The following RTN3 variants were observed in gnomAD, a reference collection of about 807,000 sequenced individuals.
RTN3 encodes reticulon-3.
RTN3 carries 49 observed loss-of-function variants against 77.8 expected under a neutral mutation model. The observed-to-expected ratio is 0.63, with a 90% CI of 0.50 to 0.80. The LOEUF (loss-of-function observed/expected upper bound fraction) is 0.80. Ranked by LOEUF, RTN3 falls within the 30% of genes least tolerant of loss-of-function variation. RTN3 has a pLI of 0.00. For missense variants in RTN3, 1,236 were observed against 1,211.9 expected, an observed-to-expected ratio of 1.02 and a Z score of -0.29; for synonymous variants, 464 against 446.9, an observed-to-expected ratio of 1.04 and a Z score of -0.48.
intron 1 of RTN3, among the ~76,000 whole-genome samples, chr11:63,695,047 TAAC>T (rs1436969779): frequency 1.3e-5 from 2 of 152,194 alleles, no homozygotes; most frequent in Non-Finnish European, 2.9e-5. Flanking sequence ...AGTTTTGAAA[TAAC>T]AAGCTAAATC....
At chr11:63,742,200 C>T (rs1261721491) in intron 3 of RTN3, among the ~76,000 whole-genome samples, 3 of 149,574 alleles carry the variant, frequency 2.0e-5, no homozygotes, top group Non-Finnish European at 3.0e-5. Flanking sequence ...AGGATGATCT[C>T]GATCTCCTGA....
intron 3 of RTN3, among the ~76,000 whole-genome samples, chr11:63,728,918 A>G (rs1418805414): frequency 6.6e-6 from 1 of 151,470 alleles, no homozygotes; most frequent in East Asian, 1.9e-4. Flanking sequence ...AAGAAAAGAA[A>G]GTAGCTAGAG....
At position 63,718,716 on chromosome 11, in the gene RTN3, C is replaced by T. The variant is rs140534064; in HGVS notation, c.214C>T (p.Leu72Phe). The T allele has an allele frequency of 1.3e-6, 2 of 1,587,618 alleles. No individual in the cohort carries two copies. Among genetic ancestry groups the T allele is most frequent in the African/African-American group, 1.4e-5 (1 of 73,404 alleles). Residue 72 changes from leucine to phenylalanine, a missense_variant, in exon 3 of 9, where the codon CTT becomes TTT. Leu to Phe is a conservative substitution (Grantham distance 22, BLOSUM62 0). This residue lies in a region of RTN3 where 1,056 missense variants were observed against 990.4 expected (regional missense o/e 1.07). Transcript: ENST00000377819. ...FSTSQEGLSS[L>F]CSDEPSSEIM... ...TCTGATCATAGAGGGATTGAGCTCT[C>T]TTTGCTCTGATGAGCCATCTTCAGA...
intron 1 of RTN3, among the ~76,000 whole-genome samples, chr11:63,686,007 GA>G (rs1423964361): frequency 1.3e-5 from 2 of 152,146 alleles, no homozygotes; most frequent in African/African-American, 4.8e-5. Flanking sequence ...GCCTTTGAAG[GA>G]AACTGAAGAT....
At chr11:63,714,629 C>T (rs2011291829) in intron 2 of RTN3, 1 of 152,072 alleles carries the variant, frequency 6.6e-6, no homozygotes, top group African/African-American at 2.4e-5. Flanking sequence ...CCTCCCACTC[C>T]AGCCTCCCAA....
At chr11:63,730,167 A>G (rs561516917) in intron 3 of RTN3, among the ~76,000 whole-genome samples, 2 of 151,986 alleles carry the variant, frequency 1.3e-5, no homozygotes, top group Non-Finnish European at 2.9e-5. Flanking sequence ...AGGTTTCACC[A>G]TGTTTGTCAG....
At chr11:63,692,594 T>TA (rs1345425099) in intron 1 of RTN3, among the ~76,000 whole-genome samples, 1 of 151,850 alleles carries the variant, frequency 6.6e-6, no homozygotes, top group Non-Finnish European at 1.5e-5. Context: ...CTGTCTCTAC[T>TA]AAAAATACAA....
chr11:63,715,331 A>T (rs1164844238), intron 2 of RTN3, among the ~76,000 whole-genome samples: 1 of 152,224 alleles, frequency 6.6e-6, no homozygotes, highest in Non-Finnish European at 1.5e-5. Flanking sequence ...AAGATGACAG[A>T]TCTGAATCAT....
intron 3 of RTN3, among the ~76,000 whole-genome samples, chr11:63,729,353 A>G (rs1332258927): frequency 6.6e-6 from 1 of 151,262 alleles, no homozygotes; most frequent in African/African-American, 2.4e-5. Context: ...AATAACGTGT[A>G]TAGAGGTTAT....
intron 3 of RTN3, among the ~76,000 whole-genome samples, chr11:63,736,065 T>C (rs1285687329): frequency 6.6e-6 from 1 of 152,212 alleles, no homozygotes; most frequent in Non-Finnish European, 1.5e-5. Context: ...CTGATCCTCC[T>C]GCTCAGGGCC....
intron 3 of RTN3, among the ~76,000 whole-genome samples, chr11:63,726,212 G>A (rs1452165083): frequency 1.3e-5 from 2 of 152,186 alleles, no homozygotes; most frequent in South Asian, 2.1e-4. Context: ...ACAAAGACCC[G>A]AAGGCACTGG....
At chr11:63,681,895 C>G in intron 1 of RTN3, 117 bp downstream of exon 1, 1 of 1,135,438 alleles carries the variant, frequency 8.8e-7, no homozygotes, top group Non-Finnish European at 1.2e-6. Context: ...CTGACGGCTT[C>G]AGCCCCCCGG....
intron 1 of RTN3, among the ~76,000 whole-genome samples, chr11:63,699,068 A>T (rs1170406216): frequency 6.6e-6 from 1 of 152,186 alleles, no homozygotes; most frequent in Non-Finnish European, 1.5e-5. Context: ...TGGGCGGGTC[A>T]CTTTAGGTCA....
At chr11:63,702,826 C>T (rs557003740) in intron 1 of RTN3, among the ~76,000 whole-genome samples, 2 of 151,868 alleles carry the variant, frequency 1.3e-5, no homozygotes, top group African/African-American at 2.4e-5. Context: ...GCTGGGACTA[C>T]AGGTGCCCGC....
At chr11:63,690,189 A>C (rs1433444696) in intron 1 of RTN3, among the ~76,000 whole-genome samples, 1 of 152,330 alleles carries the variant, frequency 6.6e-6, no homozygotes, top group East Asian at 1.9e-4. Context: ...TCGCCCTTCA[A>C]GATATATGGA....
chr11:63,736,887 G>A (rs557506245), intron 3 of RTN3, among the ~76,000 whole-genome samples: 1 of 151,734 alleles, frequency 6.6e-6, no homozygotes, highest in South Asian at 2.1e-4. Flanking sequence ...ATATTCACAG[G>A]TTCTGTCCAC....
At chr11:63,753,929 T>TA (rs1250368915) in intron 7 of RTN3, among the ~76,000 whole-genome samples, 1 of 152,244 alleles carries the variant, frequency 6.6e-6, no homozygotes, top group Non-Finnish European at 1.5e-5. Flanking sequence ...AACTTCCTTT[T>TA]TATACTTGTG....
chr11:63,736,805 G>A (rs758552285), intron 3 of RTN3, among the ~76,000 whole-genome samples: 3 of 152,050 alleles, frequency 2.0e-5, no homozygotes, highest in Admixed American at 1.3e-4. Context: ...ATCCTGGAAC[G>A]AATCTCATTC....
chr11:63,698,358 TCAA>T (rs1942070857), intron 1 of RTN3, among the ~76,000 whole-genome samples: 2 of 152,174 alleles, frequency 1.3e-5, no homozygotes, highest in East Asian at 3.9e-4. Context: ...ACTGCTGAGG[TCAA>T]GCCATCCACC....
Sources: allele counts gnomAD v4.1 joint callset (sites outside exome capture counted in the v4.1 genomes callset), GRCh38; gene constraint gnomAD v4.1.1; regional missense constraint gnomAD v4.1.1; transcripts MANE v1.5; gene names NCBI Gene and HGNC (gene_info 2026-07-23, HGNC 2026-07-21).